Variants in MALRD1 observed in about 807,000 individuals in gnomAD.
MALRD1 encodes MAM and LDL receptor class A domain containing 1.
MALRD1 carries 247 observed loss-of-function variants against 242.1 expected under a neutral mutation model. The observed-to-expected ratio is 1.02, with a 90% confidence interval of 0.92 to 1.13. The LOEUF (loss-of-function observed/expected upper bound fraction) is 1.13, where lower values mean the gene tolerates loss of function less well. MALRD1 is among the 50% of genes most tolerant of loss of function. The pLI is 0.00. For synonymous variants in MALRD1, 995 were observed against 866.6 expected (o/e 1.15, Z -2.60); for missense variants, 2,989 against 2,533.1 (o/e 1.18, Z -3.86).
chr10:19,063,156 A>G (rs1018759260), intron 1 of MALRD1, among the ~76,000 whole-genome samples: 2 of 152,100 alleles, frequency 1.3e-5, no homozygotes, highest in African/African-American at 2.4e-5. Flanking sequence ...CCCCCCAAAA[A>G]AAAAGTTTAT....
Position 19,531,316 on chromosome 10 carries a change from T to A in MALRD1, c.5443T>A (p.Tyr1815Asn). The A allele has an allele frequency of 6.5e-7, 1 of 1,549,124 alleles. No homozygotes were observed. The highest frequency in any genetic ancestry group is 2.4e-5 in the East Asian group (1 of 40,896). ...LGMCTVRFWF[Y>N]MIDPRSMGIL... ...AATGTGTACTGTTCGGTTCTGGTTC[T>A]ACATGATTGATCCCAGGAGTATGGG... is the stretch of plus-strand genomic sequence containing the variant. Residue 1815 changes from tyrosine to asparagine, a missense_variant, in exon 32 of 40, where the codon TAC (tyrosine) becomes AAC (asparagine). Physicochemically the swap from Tyr to Asn is moderately radical, Grantham distance 143. Transcript: ENST00000454679.
intron 29 of MALRD1, among the ~76,000 whole-genome samples, chr10:19,485,597 C>T (rs573777511): frequency 7.3e-5 from 11 of 151,156 alleles, no homozygotes; most frequent in African/African-American, 1.5e-4. Context: ...GAGCCCAGAT[C>T]GCGCCACTGC....
intron 24 of MALRD1, among the ~76,000 whole-genome samples, chr10:19,339,368 C>G (rs926880685): frequency 6.6e-6 from 1 of 152,088 alleles, no homozygotes; most frequent in African/African-American, 2.4e-5. Flanking sequence ...TTATCAAATA[C>G]GTCAAGTAGT....
intron 33 of MALRD1, among the ~76,000 whole-genome samples, chr10:19,570,729 T>G (rs770609832): frequency 1.3e-5 from 2 of 152,088 alleles, no homozygotes; most frequent in South Asian, 2.1e-4. Context: ...TAATAAGATA[T>G]CCATCACAAA....
At chr10:19,628,546 A>T (rs1185085200) in intron 36 of MALRD1, among the ~76,000 whole-genome samples, 8 of 152,264 alleles carry the variant, frequency 5.3e-5, no homozygotes, top group Non-Finnish European at 1.0e-4. Context: ...TTGGAGAGGG[A>T]GAAAATGTGT....
intron 18 of MALRD1, among the ~76,000 whole-genome samples, chr10:19,256,091 C>G (rs1257245490): frequency 6.6e-6 from 1 of 152,018 alleles, no homozygotes; most frequent in Non-Finnish European, 1.5e-5. Context: ...ATGTTACTAT[C>G]AATTTTCTAT....
chr10:19,635,066 A>C lies in MALRD1; in HGVS notation c.6137+19143A>C, dbSNP rs544144772. ...TGCCTTGCAACTAGTACTTGGATCAAACCTTTTATAGGAATAATCCCTAAG... is the reference window on the plus strand; with the variant it reads ...TGCCTTGCAACTAGTACTTGGATCACACCTTTTATAGGAATAATCCCTAAG... On this transcript the variant is annotated intron_variant, in intron 36 of 39. Transcript: ENST00000454679. 4.6e-5 allele frequency among the ~76,000 whole-genome samples: 7 copies of C among 152,294 alleles called. No homozygotes were observed. In the South Asian group the frequency reaches 6.2e-4, roughly 14 times the overall value.
At chr10:19,452,630 G>A (rs1178548620) in intron 29 of MALRD1, among the ~76,000 whole-genome samples, 1 of 152,208 alleles carries the variant, frequency 6.6e-6, no homozygotes, top group Non-Finnish European at 1.5e-5. Flanking sequence ...AAGTTTGAAA[G>A]ACTATGAATG....
chr10:19,456,815 C>T (rs537226687), intron 29 of MALRD1, among the ~76,000 whole-genome samples: 183 of 149,954 alleles, frequency 1.2e-3, no homozygotes, highest in Non-Finnish European at 2.4e-3. Flanking sequence ...GCTCTGTCGC[C>T]AGGCTGGAGT....
At chr10:19,673,161 T>A (rs1841998233) in intron 36 of MALRD1, among the ~76,000 whole-genome samples, 1 of 152,090 alleles carries the variant, frequency 6.6e-6, no homozygotes, top group South Asian at 2.1e-4. Context: ...GGAGGGCAGA[T>A]CCCGAGGTCA....
In MALRD1 at chr10:19,607,928, T is replaced by C; in HGVS notation, c.6070+26T>C. 3.2e-6 allele frequency: 5 copies of C among 1,548,156 alleles called. No individual in the cohort carries two copies. In the African/African-American group the frequency reaches 4.1e-5, roughly 13 times the overall value. ...GTACCCCATTTCCATTCAGATATTC[T>C]TGTGATATGAACCAGCAACTTAACC... On this transcript the variant is annotated intron_variant, in intron 35 of 39. Transcript: ENST00000454679.
At chr10:19,464,345 C>T (rs1836113981) in intron 29 of MALRD1, among the ~76,000 whole-genome samples, 1 of 152,132 alleles carries the variant, frequency 6.6e-6, no homozygotes, top group African/African-American at 2.4e-5. Flanking sequence ...AGCTTCAGGT[C>T]TTAGATTTAA....
chr10:19,692,005 A>G (rs1842842486), intron 36 of MALRD1, among the ~76,000 whole-genome samples: 1 of 152,164 alleles, frequency 6.6e-6, no homozygotes, highest in Admixed American at 6.6e-5. Flanking sequence ...AAATGAGTCA[A>G]TTTTTAAAAA....
At chr10:19,592,420 C>G (rs1194672851) in intron 33 of MALRD1, among the ~76,000 whole-genome samples, 1 of 152,216 alleles carries the variant, frequency 6.6e-6, no homozygotes, top group East Asian at 1.9e-4. Flanking sequence ...ATGAATGGAG[C>G]TGTTCCCAGG....
chr10:19,065,565 C>T (rs2131239621), intron 1 of MALRD1, among the ~76,000 whole-genome samples: 1 of 152,222 alleles, frequency 6.6e-6, no homozygotes, highest in South Asian at 2.1e-4. Context: ...GAGAACAAGT[C>T]CTATCATTCC....
chr10:19,494,611 C>A (rs1837632840), intron 30 of MALRD1, among the ~76,000 whole-genome samples: 1 of 152,018 alleles, frequency 6.6e-6, no homozygotes, highest in Admixed American at 6.6e-5. Flanking sequence ...CTAAAAAACA[C>A]ACTACAAGAA....
intron 14 of MALRD1, among the ~76,000 whole-genome samples, chr10:19,194,066 TAAC>T (rs372679086): frequency 6.6e-6 from 1 of 152,078 alleles, no homozygotes; most frequent in African/African-American, 2.4e-5. Context: ...ATTTGTCTAA[TAAC>T]AACCCACCTC....
At chr10:19,138,383 A>C (rs1416631420) in intron 10 of MALRD1, among the ~76,000 whole-genome samples, 2 of 151,550 alleles carry the variant, frequency 1.3e-5, no homozygotes, top group Non-Finnish European at 2.9e-5. Flanking sequence ...AATGTCAATA[A>C]CTGAAGGAAA....
chr10:19,284,357 C>G (rs534963675), intron 21 of MALRD1, among the ~76,000 whole-genome samples: 3 of 149,806 alleles, frequency 2.0e-5, no homozygotes, highest in African/African-American at 7.4e-5. Flanking sequence ...CCCACTAACT[C>G]GTCATCTAGC....
Sources: allele counts gnomAD v4.1 joint callset (sites outside exome capture counted in the v4.1 genomes callset), GRCh38; gene constraint gnomAD v4.1.1; transcripts MANE v1.5; gene names NCBI Gene and HGNC (gene_info 2026-07-23, HGNC 2026-07-21).